ESR1: variants seen among roughly 807,000 people sequenced by gnomAD.
ESR1 encodes the protein estrogen receptor.
ESR1 carries 12 observed loss-of-function variants against 52.7 expected under a neutral mutation model. The observed-to-expected ratio is 0.23, with a 90% CI of 0.15 to 0.37. The LOEUF (loss-of-function observed/expected upper bound fraction) is 0.37, where lower values mean the gene tolerates loss of function less well. ESR1 is among the 10% of genes least tolerant of loss of function. The pLI is 1.00. For missense variants in ESR1, 584 were observed against 779.7 expected, an observed-to-expected ratio of 0.75 and a Z score of 2.99; for synonymous variants, 305 against 316.8, an observed-to-expected ratio of 0.96 and a Z score of 0.39.
intron 6 of ESR1, among the ~76,000 whole-genome samples, chr6:152,085,599 C>A (rs780230301): frequency 2.0e-5 from 3 of 152,068 alleles, no homozygotes; most frequent in Non-Finnish European, 4.4e-5. Context: ...TTGGCTGGGA[C>A]GTCAGCTGGA....
At chr6:151,697,093 G>A (rs369173564) in intron 1 of ESR1, among the ~76,000 whole-genome samples, 2 of 152,204 alleles carry the variant, frequency 1.3e-5, no homozygotes, top group East Asian at 1.9e-4. Context: ...TTATCTTGTA[G>A]GCATTAAAGA....
intron 2 of ESR1, among the ~76,000 whole-genome samples, chr6:151,710,046 G>C (rs376406486): frequency 4.6e-5 from 7 of 151,720 alleles, no homozygotes; most frequent in Admixed American, 4.6e-4. Context: ...TATAAAGAAC[G>C]AATTGTTTAA....
intron 1 of ESR1, among the ~76,000 whole-genome samples, chr6:151,674,726 T>C (rs1778193807): frequency 6.6e-6 from 1 of 152,232 alleles, no homozygotes. Flanking sequence ...CCATTCTAAC[T>C]GGCGTGAGAC....
chr6:151,927,832 G>A lies in ESR1; in HGVS notation c.761-16341G>A, dbSNP rs145916175. ...TCTTGGGTTCAAGTGATTCTCATGT[G>A]TCAGCCTCCCGAGTAGCTGGTATTA... On this transcript the variant is annotated intron_variant, in intron 3 of 7. Coordinates refer to ENST00000206249, the MANE Select transcript of ESR1 (RefSeq NM_000125.4). Among the ~76,000 whole-genome samples, 40 of 151,622 alleles carry A rather than the reference G, an allele frequency of 2.6e-4. No homozygotes were observed. In the East Asian group the frequency reaches 6.8e-3, roughly 26 times the overall value.
At chr6:151,933,471 G>T (rs956540025) in intron 3 of ESR1, among the ~76,000 whole-genome samples, 19 of 149,678 alleles carry the variant, frequency 1.3e-4, no homozygotes, top group Admixed American at 2.0e-4. Context: ...AATTGCCCTG[G>T]CCAGAACTTC....
At chr6:151,996,105 C>T (rs2041457780) in intron 4 of ESR1, among the ~76,000 whole-genome samples, 1 of 152,156 alleles carries the variant, frequency 6.6e-6, no homozygotes, top group Non-Finnish European at 1.5e-5. Flanking sequence ...CTGTCAAGAA[C>T]ATTCATATCT....
chr6:151,843,985 C>A (rs1052747991), intron 2 of ESR1, among the ~76,000 whole-genome samples: 7 of 151,126 alleles, frequency 4.6e-5, no homozygotes, highest in African/African-American at 1.7e-4. Flanking sequence ...ATTTTAAAAG[C>A]ATTTTCTTCG....
At chr6:151,790,232 A>G (rs1033571214) in intron 2 of ESR1, among the ~76,000 whole-genome samples, 2 of 152,202 alleles carry the variant, frequency 1.3e-5, no homozygotes, top group Non-Finnish European at 2.9e-5. Flanking sequence ...CATGTGGCCC[A>G]CATGAGCTCC....
chr6:151,920,937 T>C (rs2031528762), intron 3 of ESR1, among the ~76,000 whole-genome samples: 5 of 152,154 alleles, frequency 3.3e-5, no homozygotes, highest in Admixed American at 3.3e-4. Context: ...TTTTTAATTT[T>C]AATTTTAAGT....
At chr6:152,063,862 C>T (rs1219250748) in intron 6 of ESR1, among the ~76,000 whole-genome samples, 1 of 152,098 alleles carries the variant, frequency 6.6e-6, no homozygotes, top group African/African-American at 2.4e-5. Context: ...GCCCCAGTCG[C>T]CAAGGTCTGA....
At chr6:151,941,996 T>C (rs535230177) in intron 3 of ESR1, among the ~76,000 whole-genome samples, 1 of 152,344 alleles carries the variant, frequency 6.6e-6, no homozygotes, top group East Asian at 1.9e-4. Flanking sequence ...CATGTCTCCT[T>C]ACCCTTCTTG....
At chr6:151,681,480 A>G (rs1226160854) in intron 1 of ESR1, among the ~76,000 whole-genome samples, 1 of 151,798 alleles carries the variant, frequency 6.6e-6, no homozygotes, top group Non-Finnish European at 1.5e-5. Context: ...CTAGCTTCTC[A>G]GGCGCCTTGA....
chr6:151,928,768 A>C (rs946812639), intron 3 of ESR1, among the ~76,000 whole-genome samples: 2 of 151,884 alleles, frequency 1.3e-5, no homozygotes, highest in Non-Finnish European at 2.9e-5. Context: ...TTTTATCTTC[A>C]TTTAGCTCAA....
chr6:151,680,204 CT>C (rs35600661), intron 1 of ESR1, among the ~76,000 whole-genome samples: 38,705 of 126,460 alleles, frequency 0.31, 5,651 homozygotes, highest in African/African-American at 0.46. Flanking sequence ...TTTCTTTTCT[CT>C]TTTTTTTTTT....
intron 2 of ESR1, among the ~76,000 whole-genome samples, chr6:151,756,136 T>A (rs1382133996): frequency 6.6e-6 from 1 of 152,200 alleles, no homozygotes; most frequent in African/African-American, 2.4e-5. Context: ...TATTAAAATT[T>A]CACTTCCATG....
chr6:152,088,261 GAGA>G (rs2049900500), intron 6 of ESR1, among the ~76,000 whole-genome samples: 1 of 152,152 alleles, frequency 6.6e-6, no homozygotes, highest in African/African-American at 2.4e-5. Context: ...GTTTGGCTAT[GAGA>G]AGATGATCAG....
chr6:152,094,253 G>C lies in ESR1; in HGVS notation c.1370-132G>C, dbSNP rs1015662600. 7 of 829,424 alleles carry C rather than the reference G, an allele frequency of 8.4e-6. No homozygotes were observed. The highest frequency in any genetic ancestry group is 1.7e-5 in the African/African-American group (1 of 60,124). 51.4% of individuals were successfully genotyped at this position (829,424 alleles called of 1,614,324 possible). A position where few individuals can be genotyped will look rare whatever the true frequency, so the allele number is the denominator to read the frequency against. ...TGTAACCCGGTTTTAAATGGGTCCA[G>C]AGCATCCCCATTGCTAGACTACTGT... On this transcript the variant is annotated intron_variant, in intron 6 of 7. Transcript: ENST00000206249. The surrounding 1 kb of genome is among the most constrained non-coding windows in gnomAD (Gnocchi z 4.6).
At chr6:151,837,650 T>G (rs1284933910) in intron 1 of ESR1, among the ~76,000 whole-genome samples, 1 of 152,234 alleles carries the variant, frequency 6.6e-6, no homozygotes, top group Non-Finnish European at 1.5e-5. Context: ...GATCTTCAGC[T>G]CTATTTCTTT....
intron 1 of ESR1, among the ~76,000 whole-genome samples, chr6:151,838,660 T>A (rs78382215): frequency 3.9e-5 from 6 of 152,348 alleles, no homozygotes; most frequent in Admixed American, 6.5e-5. Flanking sequence ...TGTTTTTTTT[T>A]AAATAACATT....
Sources: allele counts gnomAD v4.1 joint callset (sites outside exome capture counted in the v4.1 genomes callset), GRCh38; gene constraint gnomAD v4.1.1; non-coding constraint Gnocchi (gnomAD v3.1); transcripts MANE v1.5; gene names NCBI Gene and HGNC (gene_info 2026-07-23, HGNC 2026-07-21).